COL4A4: variants seen among roughly 807,000 people sequenced by gnomAD.
COL4A4 encodes the protein collagen alpha-4(IV) chain.
A neutral mutation model predicts 192.9 loss-of-function variants in COL4A4; 105 were observed. That is an observed-to-expected ratio of 0.54 (90% CI 0.46 to 0.64). The LOEUF is 0.64. COL4A4 is among the 30% of genes least tolerant of loss of function. The probability of loss-of-function intolerance (pLI) is 0.00; values close to 1 mark genes in which losing one functional copy is unlikely to be tolerated. For missense variants in COL4A4, 1,967 were observed against 2,169.3 expected (o/e 0.91, Z 1.85); for synonymous variants, 762 against 769.9 (o/e 0.99, Z 0.17).
In COL4A4 at chr2:227,007,596, G is replaced by C. The variant is rs753512807; in HGVS notation, c.4810-8C>G. On this transcript the variant is annotated splice_region_variant and splice_polypyrimidine_tract_variant and intron_variant, in intron 47 of 47. Coordinates refer to ENST00000396625, the MANE Select transcript of COL4A4 (RefSeq NM_000092.5). ...GTCCCCAGCTCCTGTGTGCTACCCA[G>C]AAAACAAGAGAGAATTAGGGCTCAG... 2.5e-6 allele frequency: 4 copies of C among 1,612,266 alleles called. 1 individual carries two copies. In the South Asian group the frequency reaches 3.3e-5, roughly 13 times the overall value.
intron 22 of COL4A4, among the ~76,000 whole-genome samples, chr2:227,085,138 A>G (rs1406297465): frequency 7.5e-6 from 1 of 134,066 alleles, no homozygotes; most frequent in Non-Finnish European, 1.6e-5. Flanking sequence ...CCAAAAAAAA[A>G]AACAAAAGCA....
chr2:227,104,004 G>T lies in COL4A4; in HGVS notation c.784C>A (p.Pro262Thr). Residue 262 changes from proline to threonine, a missense_variant, in exon 13 of 48, where the codon CCA (proline) becomes ACA (threonine). Coordinates refer to ENST00000396625, the MANE Select transcript of COL4A4 (RefSeq NM_000092.5). ...CCTTTATAGAGACAAAAGTCAGGTG[G>T]CTCTACCAACAGGGTGGGTCCAGGA... ...GSPGPTLLVE[P>T]PDFCLYKGEK... 1.9e-6 allele frequency: 3 copies of T among 1,613,386 alleles called. No individual in the cohort carries two copies. Among genetic ancestry groups the T allele is most frequent in the Non-Finnish European group, 8.5e-7 (1 of 1,179,854 alleles).
intron 9 of COL4A4, among the ~76,000 whole-genome samples, 192 bp downstream of exon 9, chr2:227,111,486 C>T (rs1454797902): frequency 6.6e-6 from 1 of 152,166 alleles, no homozygotes; most frequent in Non-Finnish European, 1.5e-5. Context: ...TGCAGTTACA[C>T]AGGGCCCCAT....
At chr2:227,155,167 T>C (rs1225589535) in intron 1 of COL4A4, among the ~76,000 whole-genome samples, 1 of 152,192 alleles carries the variant, frequency 6.6e-6, no homozygotes, top group Non-Finnish European at 1.5e-5. Context: ...TGCTGGACTA[T>C]GGCCAAGCCC....
chr2:227,122,579 C>T (rs2125057030), intron 4 of COL4A4, among the ~76,000 whole-genome samples: 1 of 152,228 alleles, frequency 6.6e-6, no homozygotes, highest in Admixed American at 6.5e-5. Flanking sequence ...CTGGAGTCAC[C>T]CGAAATCAGC....
intron 34 of COL4A4, 127 bp downstream of exon 34, chr2:227,049,941 A>C: frequency 7.1e-6 from 6 of 843,988 alleles, no homozygotes; most frequent in South Asian, 2.7e-5. Context: ...CTGTCTAACA[A>C]GAGCCCCTTG....
At position 227,074,903 on chromosome 2, in the gene COL4A4, G is replaced by A. The variant is rs558428603; in HGVS notation, c.1987+2991C>T. On this transcript the variant is annotated intron_variant, in intron 25 of 47. Transcript: ENST00000396625. ...TAATGGACTTCAGAGATTCAGAAAAGGGAGGATGCCCCAAGACTAAACCAG... is the reference window on the plus strand; with the variant it reads ...TAATGGACTTCAGAGATTCAGAAAAAGGAGGATGCCCCAAGACTAAACCAG... Among the ~76,000 whole-genome samples, 3 of 152,154 alleles carry A rather than the reference G, an allele frequency of 2.0e-5. No individual in the cohort carries two copies. The East Asian group carries it at 5.8e-4, about 29-fold the overall frequency.
chr2:227,087,395 C>T (rs111708401), intron 22 of COL4A4, among the ~76,000 whole-genome samples: 3,295 of 152,278 alleles, frequency 0.022, 123 homozygotes, highest in African/African-American at 0.074. Flanking sequence ...ATGTCTCAAA[C>T]AGTACTGCTT....
At chr2:227,077,813 A>C in intron 25 of COL4A4, 81 bp downstream of exon 25, 1 of 1,275,028 alleles carries the variant, frequency 7.8e-7, no homozygotes, top group Non-Finnish European at 1.1e-6. Context: ...AGAATTCACC[A>C]CTATATAATT....
intron 7 of COL4A4, 41 bp from the exon 8 acceptor site, chr2:227,114,737 T>TATTACC (rs1559660779): frequency 7.0e-7 from 1 of 1,431,064 alleles, no homozygotes; most frequent in Non-Finnish European, 9.9e-7. Context: ...GAAAATAGCA[T>TATTACC]ATTACCATTT....
chr2:227,041,922 G>GAA (rs1184922593), intron 37 of COL4A4, among the ~76,000 whole-genome samples: 4 of 149,896 alleles, frequency 2.7e-5, no homozygotes, highest in Non-Finnish European at 4.5e-5. Flanking sequence ...AAGAAAGAAA[G>GAA]AAAATGGTAG....
intron 8 of COL4A4, 94 bp from the exon 9 acceptor site, chr2:227,111,807 T>G (rs2061226358): frequency 2.3e-6 from 3 of 1,294,886 alleles, no homozygotes; most frequent in East Asian, 4.9e-5. Context: ...TTATCTGGAC[T>G]CATCTAACTG....
chr2:227,088,863 T>A (rs1370171650), intron 21 of COL4A4, 47 bp from the exon 22 acceptor site: 6 of 1,603,574 alleles, frequency 3.7e-6, no homozygotes, highest in Non-Finnish European at 5.1e-6. Context: ...CTGAATAAAA[T>A]CCCCAATAAG....
At chr2:227,087,071 C>A (rs1214236381) in intron 22 of COL4A4, among the ~76,000 whole-genome samples, 1 of 152,166 alleles carries the variant, frequency 6.6e-6, no homozygotes, top group Non-Finnish European at 1.5e-5. Context: ...CAGGATTGAG[C>A]CTTGTTAATA....
chr2:227,026,298 C>A (rs577448272), intron 42 of COL4A4, among the ~76,000 whole-genome samples: 1 of 152,124 alleles, frequency 6.6e-6, no homozygotes, highest in Non-Finnish European at 1.5e-5. Context: ...GAGATCGAGA[C>A]CATCCTGGCT....
In COL4A4 at chr2:227,030,503, G is replaced by C. The variant is rs757063002; in HGVS notation, c.3913C>G (p.Pro1305Ala). The C allele has an allele frequency of 3.1e-6, 5 of 1,613,894 alleles. No individual in the cohort carries two copies. Among genetic ancestry groups the C allele is most frequent in the Non-Finnish European group, 4.2e-6 (5 of 1,179,930 alleles). ...CCTTTGTATCCTGGAGGGCCTGGTG[G>C]GCCAGGGGGACCTGGTGGCCCTGGT... is the stretch of plus-strand genomic sequence containing the variant. Reference protein sequence around the residue: ...GLPGPPGPPGPPGPPGYKGFP... With the variant: ...GLPGPPGPPGAPGPPGYKGFP... Residue 1305 changes from proline to alanine, a missense_variant, in exon 41 of 48, where the codon CCA (proline) becomes GCA (alanine). Coordinates refer to ENST00000396625, the MANE Select transcript of COL4A4 (RefSeq NM_000092.5).
chr2:227,083,143 C>T (rs183896046), intron 22 of COL4A4, among the ~76,000 whole-genome samples: 7 of 152,280 alleles, frequency 4.6e-5, no homozygotes, highest in Non-Finnish European at 1.0e-4. Context: ...GCATAAGAAT[C>T]ACTTGAACCC....
chr2:227,007,995 GT>G (rs774412601), intron 47 of COL4A4, 22 bp downstream of exon 47: 1 of 1,604,888 alleles, frequency 6.2e-7, no homozygotes, highest in African/African-American at 1.3e-5. Context: ...ATGAGCCAGG[GT>G]TTTCAAGGGC....
At chr2:227,099,597 A>C (rs753423933) in intron 18 of COL4A4, 23 bp downstream of exon 18, 9 of 1,610,008 alleles carry the variant, frequency 5.6e-6, no homozygotes, top group Admixed American at 5.0e-5. Flanking sequence ...TAATTTATGG[A>C]GGAACTGAAT....
Sources: allele counts gnomAD v4.1 joint callset (sites outside exome capture counted in the v4.1 genomes callset), GRCh38; gene constraint gnomAD v4.1.1; transcripts MANE v1.5; gene names NCBI Gene and HGNC (gene_info 2026-07-23, HGNC 2026-07-21).